The following TANC1 variants were observed in gnomAD, a reference collection of about 807,000 sequenced individuals.
TANC1 encodes the protein tetratricopeptide repeat, ankyrin repeat and coiled-coil containing 1.
TANC1 carries 77 observed loss-of-function variants against 149.7 expected under a neutral mutation model. The observed-to-expected ratio is 0.51, with a 90% CI of 0.43 to 0.62. The LOEUF is 0.62. Among genes scored for constraint, TANC1 ranks in the 20% least tolerant of loss-of-function variants. The pLI is 0.00. For missense variants in TANC1, 1,985 were observed against 2,321.8 expected (o/e 0.85, Z 2.98); for synonymous variants, 854 against 925.0 (o/e 0.92, Z 1.39).
At chr2:159,042,340 A>C (rs896365423) in intron 2 of TANC1, among the ~76,000 whole-genome samples, 3 of 152,112 alleles carry the variant, frequency 2.0e-5, no homozygotes, top group African/African-American at 7.2e-5. Context: ...GCAGGAGCCT[A>C]GTTGGTGGTG....
At chr2:159,107,223 C>T (rs2047272141) in intron 4 of TANC1, among the ~76,000 whole-genome samples, 1 of 151,972 alleles carries the variant, frequency 6.6e-6, no homozygotes, top group African/African-American at 2.4e-5. Context: ...GAGGGCATTT[C>T]ACCATGTTTG....
In TANC1 at chr2:159,230,361, AGGTGGGCT is replaced by A. The variant is rs2060273888; in HGVS notation, c.4938_4945del (p.Gly1647AspfsTer32). The A allele has an allele frequency of 6.2e-7, 1 of 1,613,892 alleles. No homozygotes were observed. Among genetic ancestry groups the A allele is most frequent in the African/African-American group, 1.3e-5 (1 of 74,882 alleles). On this transcript the variant is annotated frameshift_variant, in exon 27 of 27. Transcript: ENST00000263635. LOFTEE classifies it high-confidence loss of function. The surrounding 1 kb of genome is among the most constrained non-coding windows in gnomAD (Gnocchi z 4.4). Reference sequence around the variant, plus strand: ...CTGTGGACGCAGCCCCTCCAAACCAAGGTGGGCTGGCGACCTGCAGCGACGTGCGACAC... The same window carrying A: ...CTGTGGACGCAGCCCCTCCAAACCAAGGCGACCTGCAGCGACGTGCGACAC...
At chr2:159,151,099 G>A (rs1249540102) in intron 7 of TANC1, among the ~76,000 whole-genome samples, 1 of 152,138 alleles carries the variant, frequency 6.6e-6, no homozygotes, top group East Asian at 1.9e-4. Context: ...TAGGAGTCAG[G>A]AGACTTGGGT....
intron 7 of TANC1, among the ~76,000 whole-genome samples, chr2:159,160,869 C>A (rs1459972261): frequency 6.6e-6 from 1 of 152,146 alleles, no homozygotes; most frequent in African/African-American, 2.4e-5. Flanking sequence ...AAATGGTTAC[C>A]CCATCTGGGA....
chr2:159,192,855 C>T (rs4665036), intron 16 of TANC1, among the ~76,000 whole-genome samples: 2 of 152,298 alleles, frequency 1.3e-5, no homozygotes, highest in South Asian at 4.1e-4. Flanking sequence ...TCACCCTGTT[C>T]TTCAGGCTGG....
chr2:159,136,002 T>TTGTGTGTGTGTGTGTGTGTGTGTGTGTG (rs754052800), intron 4 of TANC1, among the ~76,000 whole-genome samples, 192 bp from the exon 5 acceptor site: 1 of 107,776 alleles, frequency 9.3e-6, no homozygotes, highest in Non-Finnish European at 2.2e-5. Flanking sequence ...TACTGAAATT[T>TTGTGTGTGTGTGTGTGTGTGTGTGTGTG]TGTGTGTGTG....
At chr2:158,981,407 A>G (rs909129412) in intron 1 of TANC1, among the ~76,000 whole-genome samples, 1 of 149,620 alleles carries the variant, frequency 6.7e-6, no homozygotes, top group African/African-American at 2.5e-5. Context: ...AGCTGCTGCA[A>G]GCTATGATTG....
At chr2:159,211,370 C>G (rs1438848967) in intron 19 of TANC1, among the ~76,000 whole-genome samples, 2 of 152,172 alleles carry the variant, frequency 1.3e-5, no homozygotes, top group African/African-American at 4.8e-5. Flanking sequence ...TTTTGAGCTC[C>G]CATTTCATAC....
intron 4 of TANC1, among the ~76,000 whole-genome samples, chr2:159,115,692 T>C (rs1198285414): frequency 1.3e-5 from 2 of 152,154 alleles, no homozygotes; most frequent in East Asian, 3.9e-4. Flanking sequence ...TTGCATGCCA[T>C]TGGGAAGCTT....
chr2:159,045,984 G>A (rs111503183), intron 2 of TANC1, among the ~76,000 whole-genome samples: 25 of 152,304 alleles, frequency 1.6e-4, no homozygotes, highest in South Asian at 6.2e-4. Flanking sequence ...ATAGATTTGC[G>A]TATTGAAACC....
In TANC1 at chr2:159,162,542, A is replaced by G. The variant is rs369155353; in HGVS notation, c.683-741A>G. On this transcript the variant is annotated intron_variant, in intron 7 of 26. Coordinates refer to ENST00000263635, the MANE Select transcript of TANC1 (RefSeq NM_033394.3). ...GTGAGTATTGCTTCGCTTTTTGACC[A>G]TGTTCTTTCTGCTCTTTTGCCAAGA... is the stretch of plus-strand genomic sequence containing the variant. Among the ~76,000 whole-genome samples the G allele has an allele frequency of 4.6e-5, 7 of 152,076 alleles. No individual in the cohort carries two copies. The East Asian group carries it at 7.7e-4, about 17-fold the overall frequency.
chr2:159,111,418 A>G (rs1231589651), intron 4 of TANC1, among the ~76,000 whole-genome samples: 1 of 152,256 alleles, frequency 6.6e-6, no homozygotes, highest in African/African-American at 2.4e-5. Flanking sequence ...CACTTGAGGC[A>G]GAAGCCTTTG....
chr2:159,142,278 G>A (rs1265907651), intron 5 of TANC1, among the ~76,000 whole-genome samples: 2 of 152,194 alleles, frequency 1.3e-5, no homozygotes, highest in Non-Finnish European at 2.9e-5. Context: ...CTTTATAATA[G>A]TACAAAACCC....
At chr2:158,972,718 A>G (rs1268057316) in intron 1 of TANC1, among the ~76,000 whole-genome samples, 2 of 152,202 alleles carry the variant, frequency 1.3e-5, no homozygotes, top group East Asian at 1.9e-4. Context: ...CCTCAATAAG[A>G]AGATGTATCA....
At chr2:158,982,824 A>G (rs1362946295) in intron 1 of TANC1, among the ~76,000 whole-genome samples, 1 of 151,932 alleles carries the variant, frequency 6.6e-6, no homozygotes, top group South Asian at 2.1e-4. Context: ...AGGATCTGCT[A>G]TGTCACCCAG....
At chr2:159,033,120 A>C (rs1005039390) in intron 2 of TANC1, among the ~76,000 whole-genome samples, 1 of 152,188 alleles carries the variant, frequency 6.6e-6, no homozygotes, top group Non-Finnish European at 1.5e-5. Context: ...GGAGCCTGCC[A>C]TCAAGAAGCC....
chr2:159,071,921 A>T (rs1296185019), intron 3 of TANC1, among the ~76,000 whole-genome samples: 1 of 152,208 alleles, frequency 6.6e-6, no homozygotes, highest in Non-Finnish European at 1.5e-5. Flanking sequence ...CATTTAAACA[A>T]ATTCTGCAAA....
At chr2:159,131,112 C>T (rs895108049) in intron 4 of TANC1, among the ~76,000 whole-genome samples, 1 of 151,878 alleles carries the variant, frequency 6.6e-6, no homozygotes, top group Admixed American at 6.6e-5. Context: ...CTGCCGTGGC[C>T]TATAAGCTTG....
chr2:159,204,391 G>A (rs532736381), intron 19 of TANC1, among the ~76,000 whole-genome samples: 5 of 152,186 alleles, frequency 3.3e-5, no homozygotes, highest in African/African-American at 7.2e-5. Flanking sequence ...CCAAGTCCTC[G>A]GTGGGGCACC....
Sources: gnomAD v4.1 joint callset for allele counts (sites outside exome capture counted in the v4.1 genomes callset) on GRCh38, gnomAD v4.1.1 for gene constraint, Gnocchi (gnomAD v3.1) non-coding constraint, MANE v1.5 for transcripts, NCBI Gene and HGNC (gene_info 2026-07-23, HGNC 2026-07-21) for gene names.